The following TMEM178A variants were observed in gnomAD, a reference collection of about 807,000 sequenced individuals.
The protein encoded by TMEM178A is transmembrane protein 178.
In TMEM178A, 12 loss-of-function variants were observed where a neutral mutation model predicts 29.1. The ratio of observed to expected loss-of-function variants is 0.41; its 90% CI spans 0.26 to 0.67. The LOEUF (loss-of-function observed/expected upper bound fraction) is 0.67, where lower values mean the gene tolerates loss of function less well. TMEM178A is among the 30% of genes least tolerant of loss of function. The pLI, the probability that TMEM178A is intolerant of heterozygous loss-of-function variation, is 0.29. For synonymous variants in TMEM178A, 210 were observed against 187.2 expected, an observed-to-expected ratio of 1.12 and a Z score of -0.99; for missense variants, 366 against 419.1, an observed-to-expected ratio of 0.87 and a Z score of 1.11.
At chr2:39,679,828 G>C (rs1482616474) in intron 1 of TMEM178A, among the ~76,000 whole-genome samples, 2 of 152,176 alleles carry the variant, frequency 1.3e-5, no homozygotes, top group African/African-American at 4.8e-5. Flanking sequence ...GGAATGAGTT[G>C]CTGCAAGAAA....
In TMEM178A at chr2:39,666,037, G is replaced by A; in HGVS notation, c.63G>A (p.Leu21=). ...SLGLSLCSLG[L]LVTAIFTDHW... ...GCCTCAGCCTGTGCTCCCTGGGGCT[G>A]CTCGTCACGGCCATCTTCACCGACC... Residue 21 remains leucine, a synonymous_variant, in exon 1 of 4, where the codon CTG becomes CTA. Coordinates refer to ENST00000281961, the MANE Select transcript of TMEM178A (RefSeq NM_152390.3). 2 of 1,557,734 alleles carry A rather than the reference G, an allele frequency of 1.3e-6. No homozygotes were observed. Among genetic ancestry groups the A allele is most frequent in the Non-Finnish European group, 1.7e-6 (2 of 1,155,754 alleles).
chr2:39,732,632 T>G, the TMEM178A span, among the ~76,000 whole-genome samples: 1 of 152,194 alleles, frequency 6.6e-6, no homozygotes, highest in Admixed American at 6.5e-5. Context: ...ATAGGAGAGC[T>G]TGGCTTTGCT....
chr2:39,690,222 C>A (rs929535076), intron 1 of TMEM178A, among the ~76,000 whole-genome samples: 1 of 152,200 alleles, frequency 6.6e-6, no homozygotes, highest in Non-Finnish European at 1.5e-5. Context: ...AGGGGCCCAA[C>A]CATGAACCCC....
intron 1 of TMEM178A, among the ~76,000 whole-genome samples, chr2:39,696,659 G>A (rs1003906010): frequency 6.6e-6 from 1 of 152,134 alleles, no homozygotes; most frequent in African/African-American, 2.4e-5. Context: ...CCTCATTATT[G>A]ATTGATAGTA....
At chr2:39,668,696 T>C (rs1004705978) in intron 1 of TMEM178A, among the ~76,000 whole-genome samples, 4 of 152,184 alleles carry the variant, frequency 2.6e-5, no homozygotes, top group African/African-American at 9.7e-5. Context: ...GATTATAGGA[T>C]CATAATTTGT....
the TMEM178A span, among the ~76,000 whole-genome samples, chr2:39,726,315 G>T: frequency 6.6e-6 from 1 of 152,210 alleles, no homozygotes; most frequent in Non-Finnish European, 1.5e-5. Context: ...CCTGAGCAAT[G>T]CAGGTGTCCT....
chr2:39,716,491 C>A (rs2148120778), intron 3 of TMEM178A, among the ~76,000 whole-genome samples: 1 of 152,206 alleles, frequency 6.6e-6, no homozygotes, highest in East Asian at 1.9e-4. Flanking sequence ...GATTTAGCTA[C>A]TTGTATGACT....
Position 39,666,245 on chromosome 2 carries a change from C to A in TMEM178A, c.271C>A (p.Arg91Ser), listed in dbSNP as rs1670153314. The A allele has an allele frequency of 4.4e-6, 6 of 1,356,608 alleles. No individual in the cohort carries two copies. Among genetic ancestry groups the A allele is most frequent in the Non-Finnish European group, 5.7e-6 (6 of 1,060,890 alleles). The allele number at this position is 1,356,608 out of a possible 1,614,324, so 84.0% of individuals were successfully genotyped here. Reference sequence around the variant, plus strand: ...GGGGCGCGCCGACCCCGAGTCCTGGCGCTCGCTCCTGGGGCTCGGCGGGCT... The same window carrying A: ...GGGGCGCGCCGACCCCGAGTCCTGGAGCTCGCTCCTGGGGCTCGGCGGGCT... Reference protein sequence around the residue: ...GPGRADPESWRSLLGLGGLDA... With the variant: ...GPGRADPESWSSLLGLGGLDA... Residue 91 changes from arginine to serine, a missense_variant, in exon 1 of 4, where the codon CGC (arginine) becomes AGC (serine). Around this residue, in one of 2 missense-constraint regions of TMEM178A, gnomAD observed 247 missense variants for 246.8 expected, o/e 1.00. Coordinates refer to ENST00000281961, the MANE Select transcript of TMEM178A (RefSeq NM_152390.3).
downstream of TMEM178A, among the ~76,000 whole-genome samples, chr2:39,718,251 A>C (rs1012784781): frequency 6.6e-6 from 1 of 151,032 alleles, no homozygotes; most frequent in Non-Finnish European, 1.5e-5. Flanking sequence ...TCCCCTGTTT[A>C]CCATCTGCCT....
chr2:39,733,413 G>A, the TMEM178A span, among the ~76,000 whole-genome samples: 1 of 152,158 alleles, frequency 6.6e-6, no homozygotes, highest in Admixed American at 6.5e-5. Flanking sequence ...TGAGTTGAAC[G>A]AACAAGGTGC....
intron 1 of TMEM178A, among the ~76,000 whole-genome samples, chr2:39,692,422 A>G (rs1558453444): frequency 1.3e-5 from 2 of 152,244 alleles, no homozygotes; most frequent in African/African-American, 2.4e-5. Flanking sequence ...GTATTAAATC[A>G]TCAAGTTTTG....
intron 1 of TMEM178A, among the ~76,000 whole-genome samples, chr2:39,684,437 C>A (rs1057162227): frequency 5.9e-5 from 9 of 152,174 alleles, no homozygotes; most frequent in Non-Finnish European, 1.3e-4. Flanking sequence ...AATGTATACA[C>A]AAACATATTA....
In TMEM178A at chr2:39,717,436, A is replaced by C; in HGVS notation, c.*185A>C. The C allele has an allele frequency of 1.3e-6, 1 of 781,956 alleles. No individual in the cohort carries two copies. The highest frequency in any genetic ancestry group is 1.9e-6 in the Non-Finnish European group (1 of 522,622). The allele number at this position is 781,956 out of a possible 1,614,324, so 48.4% of individuals were successfully genotyped here. ...CTAAGGACAAGACTACTGTGGATTC[A>C]AGTGCTTTAATGACTATTTATGCGT... On this transcript the variant is annotated 3_prime_UTR_variant, in exon 4 of 4. Transcript: ENST00000281961.
chr2:39,701,760 T>G (rs1671792256), intron 1 of TMEM178A, among the ~76,000 whole-genome samples: 1 of 152,150 alleles, frequency 6.6e-6, no homozygotes, highest in Admixed American at 6.5e-5. Context: ...GACTGGATGA[T>G]TTCAATGGAC....
At chr2:39,684,011 T>C (rs13427136) in intron 1 of TMEM178A, among the ~76,000 whole-genome samples, 7,057 of 152,346 alleles carry the variant, frequency 0.046, 217 homozygotes, top group Non-Finnish European at 0.071. Context: ...TGATCTGTTC[T>C]GTTCACGTAA....
rs189344479 is a variant in TMEM178A, at chr2:39,701,844, C to T, written c.401-2237C>T. Among the ~76,000 whole-genome samples the T allele has an allele frequency of 2.9e-4, 44 of 152,134 alleles. 2 individuals carry two copies. The East Asian group carries it at 3.3e-3, about 11-fold the overall frequency. ...AGCCTCTTTGGTGCATTTTTCTTTT[C>T]AGTTATTATACTTTTCAACTCCAGA... On this transcript the variant is annotated intron_variant, in intron 1 of 3. Coordinates refer to ENST00000281961, the MANE Select transcript of TMEM178A (RefSeq NM_152390.3).
chr2:39,733,747 A>G, the TMEM178A span, among the ~76,000 whole-genome samples: 2 of 152,158 alleles, frequency 1.3e-5, no homozygotes, highest in Admixed American at 6.5e-5. Flanking sequence ...TTTTTCATAA[A>G]TTGTTATTTT....
the TMEM178A span, among the ~76,000 whole-genome samples, chr2:39,732,366 G>A: frequency 6.6e-4 from 101 of 152,162 alleles, no homozygotes; most frequent in Non-Finnish European, 9.9e-4. Flanking sequence ...AGCACACTGA[G>A]AGGAAAAAGC....
At chr2:39,720,774 C>T (rs922776126), downstream of TMEM178A, among the ~76,000 whole-genome samples, 1 of 152,150 alleles carries the variant, frequency 6.6e-6, no homozygotes, top group Non-Finnish European at 1.5e-5. Flanking sequence ...AGCTGACTCC[C>T]TTAGCACCAA....
Sources: allele counts gnomAD v4.1 joint callset (sites outside exome capture counted in the v4.1 genomes callset), GRCh38; gene constraint gnomAD v4.1.1; regional missense constraint gnomAD v4.1.1; transcripts MANE v1.5; gene names NCBI Gene and HGNC (gene_info 2026-07-23, HGNC 2026-07-21).